The following RYR3 variants were observed in gnomAD, a reference collection of about 807,000 sequenced individuals.
RYR3 encodes brain ryanodine receptor-calcium release channel.
RYR3 carries 207 observed loss-of-function variants against 584.3 expected under a neutral mutation model. The ratio of observed to expected loss-of-function variants is 0.35; its 90% CI spans 0.32 to 0.40. RYR3 has a LOEUF of 0.40. Among genes scored for constraint, RYR3 ranks in the 10% least tolerant of loss-of-function variants. The probability of loss-of-function intolerance (pLI) is 1.00; values close to 1 mark genes in which losing one functional copy is unlikely to be tolerated. For synonymous variants in RYR3, 2,416 were observed against 2,248.5 expected (o/e 1.07, Z -2.11); for missense variants, 5,616 against 6,089.2 (o/e 0.92, Z 2.59).
chr15:33,514,399 C>G (rs746703228), intron 3 of RYR3, among the ~76,000 whole-genome samples: 1 of 152,034 alleles, frequency 6.6e-6, no homozygotes, highest in Non-Finnish European at 1.5e-5. Context: ...GAATTGAGAG[C>G]TGACCCAGTG....
intron 16 of RYR3, among the ~76,000 whole-genome samples, chr15:33,592,584 G>A (rs1279788733): frequency 6.6e-6 from 1 of 152,170 alleles, no homozygotes; most frequent in Non-Finnish European, 1.5e-5. Context: ...GCAAGTGAAG[G>A]GTGGGAAATA....
chr15:33,769,259 A>T, intron 62 of RYR3, 87 bp downstream of exon 62: 1 of 996,464 alleles, frequency 1.0e-6, no homozygotes, highest in Non-Finnish European at 1.6e-6. Flanking sequence ...GAGAAGACAG[A>T]TCGCTGCTGC....
At chr15:33,637,559 T>G (rs2061562360) in intron 27 of RYR3, among the ~76,000 whole-genome samples, 1 of 152,246 alleles carries the variant, frequency 6.6e-6, no homozygotes, top group African/African-American at 2.4e-5. Context: ...TTTATGTCTG[T>G]AGATGATGAG....
chr15:33,834,036 C>CTT (rs951599935), intron 86 of RYR3, among the ~76,000 whole-genome samples: 22 of 152,270 alleles, frequency 1.4e-4, no homozygotes, highest in African/African-American at 4.6e-4. Flanking sequence ...ACTCCCAGCA[C>CTT]TTTGAGAGGC....
chr15:33,511,025 C>T (rs2052936458), intron 3 of RYR3, among the ~76,000 whole-genome samples: 1 of 152,020 alleles, frequency 6.6e-6, no homozygotes, highest in East Asian at 1.9e-4. Context: ...TAAGAAAGCA[C>T]CTTTCTTGGT....
At chr15:33,454,775 G>A (rs1419897844) in intron 1 of RYR3, among the ~76,000 whole-genome samples, 1 of 152,174 alleles carries the variant, frequency 6.6e-6, no homozygotes, top group African/African-American at 2.4e-5. Context: ...ATAAGAGTAA[G>A]TGTGGCACTG....
intron 1 of RYR3, among the ~76,000 whole-genome samples, chr15:33,331,537 T>C (rs1488307147): frequency 2.6e-5 from 4 of 152,142 alleles, no homozygotes; most frequent in Non-Finnish European, 5.9e-5. Flanking sequence ...TAGCTCTTCT[T>C]CTGTGATTAA....
rs1362394314 is a variant in RYR3 at position 33,807,548 on chromosome 15, C to T, written c.10012-7C>T. 7 of 1,551,866 alleles carry T rather than the reference C, an allele frequency of 4.5e-6. No homozygotes were observed. Among genetic ancestry groups the T allele is most frequent in the Non-Finnish European group, 6.1e-6 (7 of 1,146,978 alleles). On this transcript the variant is annotated splice_region_variant and splice_polypyrimidine_tract_variant and intron_variant, in intron 69 of 103. Coordinates refer to ENST00000634891, the MANE Select transcript of RYR3 (RefSeq NM_001036.6). ...CCTTGTTTCTTTTCTTTTGTCTTTCCACACAGGCCATGCAAGTAAAGGTAC... is the reference window on the plus strand; with the variant it reads ...CCTTGTTTCTTTTCTTTTGTCTTTCTACACAGGCCATGCAAGTAAAGGTAC...
At chr15:33,490,197 A>G (rs1450385595) in intron 2 of RYR3, among the ~76,000 whole-genome samples, 1 of 152,198 alleles carries the variant, frequency 6.6e-6, no homozygotes, top group African/African-American at 2.4e-5. Flanking sequence ...AATGTCTTCA[A>G]ATCACTTTTC....
rs2076483602 is a variant in RYR3 at position 33,810,743 on chromosome 15, G to T, written c.10197+94G>T. ...AAGGGTTAGTCCTCCTCCCCTGGGG[G>T]GCGGGGAGCAGATGCGCAGAAACCA... On this transcript the variant is annotated intron_variant, in intron 71 of 103. Coordinates refer to ENST00000634891, the MANE Select transcript of RYR3 (RefSeq NM_001036.6). 4.0e-6 allele frequency: 6 copies of T among 1,501,876 alleles called. No homozygotes were observed. In the African/African-American group the frequency reaches 6.9e-5, roughly 17 times the overall value. 93.0% of individuals were successfully genotyped at this position (1,501,876 alleles called of 1,614,324 possible). A position where few individuals can be genotyped will look rare whatever the true frequency, so the allele number is the denominator to read the frequency against.
At chr15:33,626,051 C>T (rs968096516) in intron 20 of RYR3, among the ~76,000 whole-genome samples, 2 of 152,182 alleles carry the variant, frequency 1.3e-5, no homozygotes, top group Non-Finnish European at 2.9e-5. Context: ...GCTGCTGGTG[C>T]CCAAGCAGGC....
chr15:33,787,819 G>A (rs1004108356), intron 66 of RYR3, among the ~76,000 whole-genome samples: 1 of 152,240 alleles, frequency 6.6e-6, no homozygotes, highest in African/African-American at 2.4e-5. Flanking sequence ...TGCAGTACTT[G>A]CTGTTAATAA....
intron 1 of RYR3, among the ~76,000 whole-genome samples, chr15:33,453,287 A>C (rs1035080252): frequency 6.6e-6 from 1 of 152,202 alleles, no homozygotes; most frequent in Non-Finnish European, 1.5e-5. Context: ...TAGGCATTCT[A>C]TGTCGATTTA....
intron 1 of RYR3, among the ~76,000 whole-genome samples, chr15:33,385,683 T>C: frequency 1.7e-5 from 1 of 59,324 alleles, no homozygotes; most frequent in Admixed American, 1.7e-4. Flanking sequence ...GCCCCCTTTT[T>C]CTTTTCTTTT....
At chr15:33,485,420 T>C (rs2050326582) in intron 2 of RYR3, among the ~76,000 whole-genome samples, 1 of 152,046 alleles carries the variant, frequency 6.6e-6, no homozygotes, top group Admixed American at 6.6e-5. Flanking sequence ...GGGGAAGATA[T>C]ATGTGGAAAA....
chr15:33,755,076 A>G lies in RYR3; in HGVS notation c.8411A>G (p.Asp2804Gly). The G allele has an allele frequency of 1.2e-6, 2 of 1,607,724 alleles. No individual in the cohort carries two copies. Among genetic ancestry groups the G allele is most frequent in the South Asian group, 1.1e-5 (1 of 90,456 alleles). Residue 2804 changes from aspartate to glycine, a missense_variant, in exon 58 of 104, where the codon GAT (aspartate) becomes GGT (glycine). Transcript: ENST00000634891. ...NGIIVSRGMK[D>G]MELDASSMEK... The stretch of plus-strand genomic sequence containing the variant: ...CATGTCCAACGTAGGGGTATGAAGG[A>G]TATGGAGCTGGATGCCTCCTCCATG...
chr15:33,628,933 G>C (rs1236068026), intron 21 of RYR3, among the ~76,000 whole-genome samples: 1 of 152,218 alleles, frequency 6.6e-6, no homozygotes, highest in Admixed American at 6.5e-5. Context: ...ACACTCAGAG[G>C]AGGATAGGGA....
intron 1 of RYR3, among the ~76,000 whole-genome samples, chr15:33,315,594 T>G (rs1968047079): frequency 6.6e-6 from 1 of 152,208 alleles, no homozygotes; most frequent in Non-Finnish European, 1.5e-5. Context: ...TCCCATCTTC[T>G]CAGTCTCTGC....
intron 2 of RYR3, among the ~76,000 whole-genome samples, chr15:33,474,938 TATATG>T (rs1248107295): frequency 2.0e-5 from 3 of 152,224 alleles, no homozygotes; most frequent in African/African-American, 7.2e-5. Flanking sequence ...CCCATTAAAA[TATATG>T]GGATAGAAGA....
Sources: gnomAD v4.1 joint callset for allele counts (sites outside exome capture counted in the v4.1 genomes callset) on GRCh38, gnomAD v4.1.1 for gene constraint, MANE v1.5 for transcripts, NCBI Gene and HGNC (gene_info 2026-07-23, HGNC 2026-07-21) for gene names.